ATG10: variants seen among roughly 807,000 people sequenced by gnomAD.
ATG10 encodes ubiquitin-like-conjugating enzyme ATG10.
ATG10 carries 30 observed loss-of-function variants against 32.1 expected under a neutral mutation model. That is an observed-to-expected ratio of 0.94 (90% CI 0.70 to 1.27). The LOEUF (loss-of-function observed/expected upper bound fraction) is 1.27. ATG10 is among the 50% of genes most tolerant of loss of function. The pLI is 0.00. For missense variants in ATG10, 233 were observed against 262.3 expected, an observed-to-expected ratio of 0.89 and a Z score of 0.77; for synonymous variants, 87 against 91.5, an observed-to-expected ratio of 0.95 and a Z score of 0.28.
intron 2 of ATG10, among the ~76,000 whole-genome samples, chr5:82,025,168 T>C (rs1020120075): frequency 6.6e-6 from 1 of 152,210 alleles, no homozygotes; most frequent in Non-Finnish European, 1.5e-5. Context: ...GGCATGCCTT[T>C]TTGCTATGTA....
intron 3 of ATG10, among the ~76,000 whole-genome samples, chr5:82,091,235 A>T (rs946710515): frequency 2.6e-5 from 4 of 152,046 alleles, no homozygotes; most frequent in Non-Finnish European, 5.9e-5. Context: ...CCTTTAAAAA[A>T]TTTGCTTTCT....
At chr5:82,033,561 T>C (rs1482395500) in intron 2 of ATG10, among the ~76,000 whole-genome samples, 1 of 152,030 alleles carries the variant, frequency 6.6e-6, no homozygotes, top group Non-Finnish European at 1.5e-5. Context: ...CCCTCTTGGT[T>C]TTCCGCCTGC....
chr5:82,069,771 A>G (rs887609276), intron 3 of ATG10, among the ~76,000 whole-genome samples: 1 of 152,174 alleles, frequency 6.6e-6, no homozygotes, highest in Non-Finnish European at 1.5e-5. Context: ...CTTATTAAAT[A>G]AAGTGGCCAG....
At chr5:82,035,288 GCA>G (rs1344413827) in intron 2 of ATG10, among the ~76,000 whole-genome samples, 4 of 152,142 alleles carry the variant, frequency 2.6e-5, no homozygotes, top group Admixed American at 2.0e-4. Context: ...TCTTCATCCT[GCA>G]CTCTACCCTG....
At chr5:82,108,464 A>G (rs1052964395) in intron 3 of ATG10, among the ~76,000 whole-genome samples, 1 of 151,890 alleles carries the variant, frequency 6.6e-6, no homozygotes, top group African/African-American at 2.4e-5. Context: ...ATATATGTGT[A>G]TATATGTATG....
At chr5:81,973,683 A>C (rs1167867363) in intron 1 of ATG10, among the ~76,000 whole-genome samples, 1 of 152,204 alleles carries the variant, frequency 6.6e-6, no homozygotes, top group Non-Finnish European at 1.5e-5. Flanking sequence ...GTGGTACTCA[A>C]ATACATCTTA....
At chr5:82,109,729 C>T (rs1461889996) in intron 3 of ATG10, among the ~76,000 whole-genome samples, 2 of 151,182 alleles carry the variant, frequency 1.3e-5, no homozygotes, top group Non-Finnish European at 2.9e-5. Context: ...TCTAATTCTT[C>T]GCTCCTTCCC....
intron 1 of ATG10, among the ~76,000 whole-genome samples, chr5:81,982,544 GT>G (rs547076127): frequency 0.044 from 6,403 of 145,852 alleles, 172 homozygotes; most frequent in Non-Finnish European, 0.06. Flanking sequence ...GAGATTCATT[GT>G]TTTTTTTTTT....
chr5:82,065,658 T>G (rs1763921927), intron 3 of ATG10, among the ~76,000 whole-genome samples: 2 of 152,132 alleles, frequency 1.3e-5, no homozygotes, highest in Non-Finnish European at 1.5e-5. Flanking sequence ...AGACTTTTCT[T>G]AGAGAAATTG....
intron 5 of ATG10, among the ~76,000 whole-genome samples, chr5:82,221,324 G>A (rs912018836): frequency 1.8e-4 from 28 of 152,044 alleles, no homozygotes; most frequent in Admixed American, 1.7e-3. Flanking sequence ...GCTATATTTT[G>A]TTTTGTTTTG....
chr5:82,107,442 A>G (rs1035090420), intron 3 of ATG10, among the ~76,000 whole-genome samples: 2 of 152,056 alleles, frequency 1.3e-5, no homozygotes, highest in Non-Finnish European at 2.9e-5. Flanking sequence ...TTGTGGTGTT[A>G]TTGTTCAACA....
intron 3 of ATG10, among the ~76,000 whole-genome samples, chr5:82,156,086 G>C (rs1365421094): frequency 2.6e-5 from 4 of 151,944 alleles, no homozygotes; most frequent in African/African-American, 4.8e-5. Flanking sequence ...AACTGGGAGT[G>C]GGGGGTGATA....
At chr5:82,200,417 G>A (rs1047660156) in intron 5 of ATG10, among the ~76,000 whole-genome samples, 1 of 126,006 alleles carries the variant, frequency 7.9e-6, no homozygotes. Flanking sequence ...TTTACCATTC[G>A]TATATTTTCT....
intron 3 of ATG10, among the ~76,000 whole-genome samples, chr5:82,098,788 A>C (rs1188229868): frequency 2.6e-5 from 4 of 152,206 alleles, no homozygotes; most frequent in Admixed American, 6.5e-5. Context: ...GTGAGTTCAC[A>C]AGTGCTGCTG....
At chr5:82,195,461 T>G (rs1413054616) in intron 5 of ATG10, among the ~76,000 whole-genome samples, 1 of 152,138 alleles carries the variant, frequency 6.6e-6, no homozygotes, top group Non-Finnish European at 1.5e-5. Context: ...TCATTGAGGG[T>G]CAGCCCAGAG....
chr5:82,030,121 A>G (rs374382892), intron 2 of ATG10, among the ~76,000 whole-genome samples: 1 of 152,148 alleles, frequency 6.6e-6, no homozygotes, highest in Non-Finnish European at 1.5e-5. Flanking sequence ...GATGTGGCCT[A>G]CAATGGATGC....
At chr5:82,120,813 G>A (rs1766012505) in intron 3 of ATG10, among the ~76,000 whole-genome samples, 1 of 152,154 alleles carries the variant, frequency 6.6e-6, no homozygotes. Flanking sequence ...CAAGATTTAG[G>A]AGAGGAGACA....
chr5:82,139,969 C>T (rs1767009176), intron 3 of ATG10, among the ~76,000 whole-genome samples: 2 of 131,640 alleles, frequency 1.5e-5, no homozygotes, highest in Non-Finnish European at 3.3e-5. Context: ...CGGCCAGCCG[C>T]CCCGTCAGGG....
intron 5 of ATG10, among the ~76,000 whole-genome samples, chr5:82,247,507 C>G (rs2150026641): frequency 6.6e-6 from 1 of 152,194 alleles, no homozygotes; most frequent in South Asian, 2.1e-4. Context: ...GTATTCCTCT[C>G]TTGAGATTAG....
Sources: allele counts gnomAD v4.1 joint callset (sites outside exome capture counted in the v4.1 genomes callset), GRCh38; gene constraint gnomAD v4.1.1; transcripts MANE v1.5; gene names NCBI Gene and HGNC (gene_info 2026-07-23, HGNC 2026-07-21).